KCNH8: variants seen among roughly 807,000 people sequenced by gnomAD.
KCNH8 encodes voltage-gated delayed rectifier potassium channel KCNH8.
Under a neutral mutation model 103.6 loss-of-function variants are expected in KCNH8, and 70 were observed. That is an observed-to-expected ratio of 0.68 (90% CI 0.56 to 0.82). The LOEUF (loss-of-function observed/expected upper bound fraction) is 0.82, where lower values mean the gene tolerates loss of function less well. Ranked by LOEUF, KCNH8 falls within the 40% of genes least tolerant of loss-of-function variation. The pLI, the probability that KCNH8 is intolerant of heterozygous loss-of-function variation, is 0.00. For synonymous variants in KCNH8, 498 were observed against 489.4 expected, an observed-to-expected ratio of 1.02 and a Z score of -0.23; for missense variants, 1,217 against 1,329.9, an observed-to-expected ratio of 0.92 and a Z score of 1.32.
intron 13 of KCNH8, among the ~76,000 whole-genome samples, chr3:19,514,579 G>GT (rs960228431): frequency 2.0e-5 from 3 of 148,528 alleles, no homozygotes; most frequent in Non-Finnish European, 3.0e-5. Flanking sequence ...TTTTTATTTT[G>GT]TTTTTTTGTT....
chr3:19,205,451 A>G (rs1337913143), intron 1 of KCNH8, among the ~76,000 whole-genome samples: 5 of 152,184 alleles, frequency 3.3e-5, no homozygotes, highest in African/African-American at 9.6e-5. Context: ...TAACTATTCT[A>G]GTTAATTTTA....
chr3:19,434,131 CAAAACA>C (rs1226564291), intron 7 of KCNH8, among the ~76,000 whole-genome samples: 2 of 152,054 alleles, frequency 1.3e-5, no homozygotes, highest in Admixed American at 1.3e-4. Flanking sequence ...AAACTTATCT[CAAAACA>C]AAAAGTGTTT....
intron 2 of KCNH8, among the ~76,000 whole-genome samples, chr3:19,269,208 C>T (rs2064554769): frequency 6.6e-6 from 1 of 151,964 alleles, no homozygotes; most frequent in Admixed American, 6.6e-5. Context: ...CCATCTCAAC[C>T]CATTGGCAAT....
At chr3:19,225,316 G>C (rs1183002826) in intron 1 of KCNH8, among the ~76,000 whole-genome samples, 3 of 151,952 alleles carry the variant, frequency 2.0e-5, no homozygotes, top group Non-Finnish European at 4.4e-5. Context: ...GCACAGAAGT[G>C]ACTTTTGGAA....
At chr3:19,373,752 A>G (rs1398650730) in intron 5 of KCNH8, among the ~76,000 whole-genome samples, 2 of 151,742 alleles carry the variant, frequency 1.3e-5, no homozygotes, top group Non-Finnish European at 2.9e-5. Flanking sequence ...ATTTAGTGCT[A>G]TAAATTTCCC....
intron 3 of KCNH8, among the ~76,000 whole-genome samples, chr3:19,284,243 A>T (rs941177877): frequency 1.3e-5 from 2 of 152,142 alleles, no homozygotes; most frequent in Non-Finnish European, 2.9e-5. Flanking sequence ...GTTCATGTTA[A>T]TTAAATTAAT....
intron 3 of KCNH8, among the ~76,000 whole-genome samples, chr3:19,298,452 A>C (rs746554982): frequency 2.0e-5 from 3 of 152,248 alleles, no homozygotes; most frequent in African/African-American, 4.8e-5. Context: ...AAGTGAAGAT[A>C]ATCCATCCAC....
intron 1 of KCNH8, among the ~76,000 whole-genome samples, chr3:19,169,467 T>C (rs1227528425): frequency 6.6e-6 from 1 of 152,066 alleles, no homozygotes; most frequent in Non-Finnish European, 1.5e-5. Context: ...AGGATGGTCT[T>C]GAACTCCTGA....
intron 1 of KCNH8, among the ~76,000 whole-genome samples, chr3:19,166,132 G>A (rs2063281037): frequency 1.3e-5 from 2 of 152,048 alleles, no homozygotes; most frequent in African/African-American, 4.8e-5. Context: ...CATCATATTT[G>A]CCTTATTATT....
intron 11 of KCNH8, among the ~76,000 whole-genome samples, chr3:19,482,547 A>T (rs981941925): frequency 1.3e-5 from 2 of 152,310 alleles, no homozygotes; most frequent in South Asian, 4.1e-4. Flanking sequence ...TCATTTGAAG[A>T]AGTACAGGTA....
intron 3 of KCNH8, among the ~76,000 whole-genome samples, chr3:19,311,281 C>T (rs770315756): frequency 7.9e-5 from 12 of 151,590 alleles, no homozygotes; most frequent in Non-Finnish European, 1.6e-4. Context: ...TCACAAAATA[C>T]CTTGAAATAG....
chr3:19,393,795 G>A (rs79729546), intron 6 of KCNH8, among the ~76,000 whole-genome samples: 6 of 151,980 alleles, frequency 3.9e-5, no homozygotes, highest in East Asian at 1.9e-4. Flanking sequence ...TTCTTCAAGC[G>A]CCCTTAAGAG....
chr3:19,151,747 T>C (rs2063132560), intron 1 of KCNH8, among the ~76,000 whole-genome samples: 1 of 151,930 alleles, frequency 6.6e-6, no homozygotes, highest in African/African-American at 2.4e-5. Context: ...AATATTTCTT[T>C]TTAATATTTA....
intron 2 of KCNH8, among the ~76,000 whole-genome samples, chr3:19,261,833 GT>G (rs899842500): frequency 2.6e-5 from 4 of 151,270 alleles, no homozygotes; most frequent in Admixed American, 6.6e-5. Flanking sequence ...TGGAAGTCCA[GT>G]TTTTTTTCCC....
intron 6 of KCNH8, among the ~76,000 whole-genome samples, chr3:19,394,613 A>G (rs2066487376): frequency 6.6e-6 from 1 of 152,064 alleles, no homozygotes; most frequent in Non-Finnish European, 1.5e-5. Flanking sequence ...CTCAAGTTTT[A>G]TGGGTCTACC....
intron 11 of KCNH8, among the ~76,000 whole-genome samples, chr3:19,465,633 A>C (rs1012025491): frequency 2.0e-5 from 3 of 151,764 alleles, no homozygotes; most frequent in Non-Finnish European, 4.4e-5. Context: ...GATTTCTTTG[A>C]TGGACCTGGA....
rs541720892 is a variant in KCNH8 at position 19,400,307 on chromosome 3, G to T, written c.1177+4996G>T. Reference sequence around the variant, plus strand: ...TGAAATATGGAGAAGTGGTATTTTTGATGCATCTTGCTCACTGTAACAAAT... The same window carrying T: ...TGAAATATGGAGAAGTGGTATTTTTTATGCATCTTGCTCACTGTAACAAAT... On this transcript the variant is annotated intron_variant, in intron 7 of 15. Transcript: ENST00000328405. Among the ~76,000 whole-genome samples the T allele has an allele frequency of 9.0e-5, 12 of 133,784 alleles. No individual in the cohort carries two copies. The East Asian group carries it at 2.8e-3, about 31-fold the overall frequency. 87.8% of individuals were successfully genotyped at this position (133,784 alleles called of 152,430 possible). A position where few individuals can be genotyped will look rare whatever the true frequency, so the allele number is the denominator to read the frequency against.
chr3:19,420,209 GTT>G (rs1042283056), intron 7 of KCNH8, among the ~76,000 whole-genome samples: 1 of 152,162 alleles, frequency 6.6e-6, no homozygotes, highest in Non-Finnish European at 1.5e-5. Context: ...TGCTGTGGTT[GTT>G]TTAACTATCA....
intron 6 of KCNH8, among the ~76,000 whole-genome samples, chr3:19,391,346 A>C (rs2066434683): frequency 6.6e-6 from 1 of 152,086 alleles, no homozygotes; most frequent in Admixed American, 6.6e-5. Flanking sequence ...TATTCTTAAA[A>C]GTATTAAATG....
Sources: allele counts gnomAD v4.1 joint callset (sites outside exome capture counted in the v4.1 genomes callset), GRCh38; gene constraint gnomAD v4.1.1; transcripts MANE v1.5; gene names NCBI Gene and HGNC (gene_info 2026-07-23, HGNC 2026-07-21).